CACNA1C: variants seen among roughly 807,000 people sequenced by gnomAD.
CACNA1C encodes the protein voltage-dependent L-type calcium channel subunit alpha-1C.
Under a neutral mutation model 229.0 loss-of-function variants are expected in CACNA1C, and 30 were observed. The ratio of observed to expected loss-of-function variants is 0.13; its 90% CI spans 0.10 to 0.18. The LOEUF is 0.18. Among genes scored for constraint, CACNA1C ranks in the 10% least tolerant of loss-of-function variants. The pLI is 1.00. For synonymous variants in CACNA1C, 1,114 were observed against 1,132.5 expected (o/e 0.98, Z 0.33); for missense variants, 1,658 against 2,845.0 (o/e 0.58, Z 9.49).
intron 18 of CACNA1C, 53 bp from the exon 19 acceptor site, chr12:2,593,160 T>TA: frequency 6.3e-7 from 1 of 1,586,454 alleles, no homozygotes; most frequent in Non-Finnish European, 8.6e-7. Context: ...CTGAAAGTGG[T>TA]AAAATAAGTG....
chr12:2,342,406 A>T (rs187243877), intron 3 of CACNA1C, among the ~76,000 whole-genome samples: 5 of 152,330 alleles, frequency 3.3e-5, no homozygotes, highest in Admixed American at 2.6e-4. Flanking sequence ...ATAGGCATTC[A>T]TTCATCCTCT....
chr12:2,208,357 G>A (rs11062156), intron 3 of CACNA1C, among the ~76,000 whole-genome samples: 51,845 of 152,142 alleles, frequency 0.34, 9,323 homozygotes, highest in South Asian at 0.39. Flanking sequence ...GGGAGATGAC[G>A]TGCACATCTG....
chr12:2,142,986 TG>T (rs1045732668), intron 3 of CACNA1C, among the ~76,000 whole-genome samples: 3 of 150,832 alleles, frequency 2.0e-5, no homozygotes, highest in African/African-American at 7.3e-5. Context: ...TTTTTTTTTT[TG>T]TTTTTTGAGA....
At chr12:2,328,534 T>G (rs2096421731) in intron 3 of CACNA1C, among the ~76,000 whole-genome samples, 1 of 152,190 alleles carries the variant, frequency 6.6e-6, no homozygotes, top group African/African-American at 2.4e-5. Context: ...TCATTCTCCC[T>G]AGGAAAGGCA....
chr12:2,652,179 T>C (rs2095056831), intron 32 of CACNA1C, among the ~76,000 whole-genome samples: 1 of 152,108 alleles, frequency 6.6e-6, no homozygotes, highest in African/African-American at 2.4e-5. Context: ...AATCTGGCCA[T>C]CGCCCTCCTC....
chr12:2,030,650 C>A lies in CACNA1C; in HGVS notation c.139+59449C>A, dbSNP rs1329445515. On this transcript the variant is annotated intron_variant, in intron 1 of 46. Coordinates refer to the CACNA1C transcript ENST00000682462. ...TGCGTGTGAAGTTGTGTCTGCCTTG[C>A]TGATGGGGTTATTTGTGCTAATCTT... Among the ~76,000 whole-genome samples the A allele has an allele frequency of 2.0e-5, 3 of 152,192 alleles. No homozygotes were observed. The East Asian group carries it at 5.8e-4, about 29-fold the overall frequency.
intron 1 of CACNA1C, among the ~76,000 whole-genome samples, chr12:2,091,435 A>G (rs1015061496): frequency 1.3e-4 from 20 of 152,360 alleles, no homozygotes; most frequent in African/African-American, 4.3e-4. Flanking sequence ...CAGGGCTGCA[A>G]TACTTCTGGA....
intron 3 of CACNA1C, among the ~76,000 whole-genome samples, chr12:2,427,445 A>T (rs1037258212): frequency 6.6e-6 from 1 of 152,096 alleles, no homozygotes; most frequent in African/African-American, 2.4e-5. Context: ...CTGATCAATA[A>T]AATCTTGACT....
At chr12:2,438,298 G>GGTGGTT (rs1266018527) in intron 3 of CACNA1C, among the ~76,000 whole-genome samples, 1 of 145,986 alleles carries the variant, frequency 6.8e-6, no homozygotes, top group Non-Finnish European at 1.5e-5. Flanking sequence ...TGATGGTGGT[G>GGTGGTT]GTGGTGGTGG....
At chr12:2,089,762 C>T (rs967923621) in intron 1 of CACNA1C, among the ~76,000 whole-genome samples, 13 of 152,172 alleles carry the variant, frequency 8.5e-5, no homozygotes, top group East Asian at 5.8e-4. Context: ...TGGCTGGGCG[C>T]GGTGGCTGAC....
At chr12:2,227,189 G>A (rs1025418557) in intron 3 of CACNA1C, among the ~76,000 whole-genome samples, 2 of 152,024 alleles carry the variant, frequency 1.3e-5, no homozygotes, top group East Asian at 1.9e-4. Context: ...CCAGCTCCTC[G>A]CCTTCCTCTA....
At position 2,685,715 on chromosome 12, in the gene CACNA1C, C is replaced by T. The variant is rs377265606; in HGVS notation, c.5574-21C>T. 4.0e-4 allele frequency: 641 copies of T among 1,588,650 alleles called. 3 individuals are homozygous for T. In the African/African-American group the frequency reaches 7.7e-3, roughly 19 times the overall value. ...CACTTCTCAGCCTCCAGGAACAAGC[C>T]CCATGAGCTCTCTGTTCCAGGCTCT... On this transcript the variant is annotated intron_variant, in intron 43 of 46. Coordinates refer to ENST00000399655, the MANE Select transcript of CACNA1C (RefSeq NM_000719.7).
At chr12:2,106,973 G>T (rs2079142238) in intron 1 of CACNA1C, among the ~76,000 whole-genome samples, 1 of 107,070 alleles carries the variant, frequency 9.3e-6, no homozygotes, top group African/African-American at 3.2e-5. Flanking sequence ...ACCCCGGGGA[G>T]GGTTTCCACC....
chr12:2,323,905 C>T (rs1388200853), intron 3 of CACNA1C, among the ~76,000 whole-genome samples: 1 of 152,084 alleles, frequency 6.6e-6, no homozygotes, highest in Non-Finnish European at 1.5e-5. Context: ...AGAGCCTAGA[C>T]GGATGGGGGC....
At chr12:2,189,354 C>T (rs1266106986) in intron 3 of CACNA1C, among the ~76,000 whole-genome samples, 2 of 152,104 alleles carry the variant, frequency 1.3e-5, no homozygotes, top group African/African-American at 4.8e-5. Context: ...AAATGGCTAC[C>T]AGAGGAATGG....
At chr12:2,082,888 A>G (rs1174416411) in intron 1 of CACNA1C, among the ~76,000 whole-genome samples, 1 of 152,202 alleles carries the variant, frequency 6.6e-6, no homozygotes, top group Non-Finnish European at 1.5e-5. Flanking sequence ...AGATATGCAC[A>G]CACATATGTG....
intron 3 of CACNA1C, among the ~76,000 whole-genome samples, chr12:2,387,591 G>A (rs1395818174): frequency 5.9e-5 from 9 of 152,222 alleles, no homozygotes; most frequent in Non-Finnish European, 1.3e-4. Flanking sequence ...AAGAGCTATA[G>A]CATAGAAAAT....
chr12:2,518,374 C>A (rs1476895070), intron 9 of CACNA1C, among the ~76,000 whole-genome samples: 1 of 152,078 alleles, frequency 6.6e-6, no homozygotes, highest in Non-Finnish European at 1.5e-5. Context: ...TTTGGGAGGC[C>A]GAGGCGGGTG....
chr12:2,189,092 C>CAAAAAAAA (rs57559183), intron 3 of CACNA1C, among the ~76,000 whole-genome samples: 1 of 34,400 alleles, frequency 2.9e-5, no homozygotes, highest in Non-Finnish European at 7.7e-5. Flanking sequence ...GACTCCGTCT[C>CAAAAAAAA]AAAAAAAAAA....
Sources: allele counts gnomAD v4.1 joint callset (sites outside exome capture counted in the v4.1 genomes callset), GRCh38; gene constraint gnomAD v4.1.1; transcripts MANE v1.5; gene names NCBI Gene and HGNC (gene_info 2026-07-23, HGNC 2026-07-21).